Variants in JAZF1 observed in about 807,000 individuals in gnomAD.
JAZF1 encodes JAZF zinc finger 1.
JAZF1 carries 8 observed loss-of-function variants against 26.4 expected under a neutral mutation model. The observed-to-expected ratio is 0.30, with a 90% CI of 0.18 to 0.55. The LOEUF (loss-of-function observed/expected upper bound fraction) is 0.55. Among genes scored for constraint, JAZF1 ranks in the 20% least tolerant of loss-of-function variants. JAZF1 has a pLI of 0.94. For synonymous variants in JAZF1, 126 were observed against 122.3 expected (o/e 1.03, Z -0.20); for missense variants, 199 against 322.0 (o/e 0.62, Z 2.92).
intron 3 of JAZF1, among the ~76,000 whole-genome samples, chr7:27,853,467 G>A (rs28432782): frequency 0.15 from 22,899 of 152,092 alleles, 1,820 homozygotes; most frequent in Non-Finnish European, 0.17. Flanking sequence ...GTGGCCCTGC[G>A]ACGGGAGGGT....
At chr7:28,059,960 G>T (rs1309567720) in intron 1 of JAZF1, among the ~76,000 whole-genome samples, 1 of 152,082 alleles carries the variant, frequency 6.6e-6, no homozygotes, top group Non-Finnish European at 1.5e-5. Flanking sequence ...CGTGTTTAAT[G>T]TGTTGGTATC....
chr7:27,896,221 A>C (rs1223647665), intron 2 of JAZF1, among the ~76,000 whole-genome samples: 2 of 152,188 alleles, frequency 1.3e-5, no homozygotes, highest in Admixed American at 6.5e-5. Context: ...TGCTTCTCTG[A>C]TGTTGGTAAT....
chr7:27,867,425 T>C (rs1783492847), intron 3 of JAZF1, among the ~76,000 whole-genome samples: 1 of 152,216 alleles, frequency 6.6e-6, no homozygotes, highest in Non-Finnish European at 1.5e-5. Flanking sequence ...CATAAAAGCT[T>C]AGTTTCACAC....
chr7:28,134,063 G>T (rs1782841454), intron 1 of JAZF1, among the ~76,000 whole-genome samples: 1 of 152,042 alleles, frequency 6.6e-6, no homozygotes, highest in South Asian at 2.1e-4. Context: ...TGTAGGCAGG[G>T]GTGTCATCTC....
chr7:28,073,057 C>T (rs1040129407), intron 1 of JAZF1, among the ~76,000 whole-genome samples: 2 of 152,190 alleles, frequency 1.3e-5, no homozygotes, highest in East Asian at 1.9e-4. Flanking sequence ...ATAGCACTAT[C>T]GGTAGGTGTT....
chr7:28,010,358 GT>G (rs1036665830), intron 1 of JAZF1, among the ~76,000 whole-genome samples: 4 of 152,172 alleles, frequency 2.6e-5, no homozygotes, highest in Non-Finnish European at 5.9e-5. Context: ...CACTCTCCAG[GT>G]TCTGTTCACA....
At chr7:28,090,297 T>C (rs1224234362) in intron 1 of JAZF1, among the ~76,000 whole-genome samples, 2 of 152,234 alleles carry the variant, frequency 1.3e-5, no homozygotes, top group Non-Finnish European at 2.9e-5. Context: ...CATCATCACC[T>C]TCTTCATCAT....
chr7:27,964,440 T>C (rs560077562), intron 2 of JAZF1, among the ~76,000 whole-genome samples: 1 of 152,242 alleles, frequency 6.6e-6, no homozygotes, highest in Non-Finnish European at 1.5e-5. Flanking sequence ...ACATGGAGAA[T>C]GCTCATGATA....
At chr7:27,952,247 A>G (rs1238044473) in intron 2 of JAZF1, among the ~76,000 whole-genome samples, 2 of 152,228 alleles carry the variant, frequency 1.3e-5, no homozygotes, top group African/African-American at 2.4e-5. Flanking sequence ...CTAGCACAGA[A>G]GGGGTAATGA....
At chr7:27,848,170 ACATT>A (rs1783062762) in intron 3 of JAZF1, among the ~76,000 whole-genome samples, 2 of 152,100 alleles carry the variant, frequency 1.3e-5, no homozygotes, top group Admixed American at 6.6e-5. Flanking sequence ...CATTTTAAGA[ACATT>A]CATTCTTCTG....
intron 2 of JAZF1, among the ~76,000 whole-genome samples, chr7:27,909,153 T>C (rs1030382371): frequency 3.4e-5 from 5 of 146,368 alleles, no homozygotes; most frequent in African/African-American, 1.1e-4. Flanking sequence ...AGGACTATAG[T>C]TGCACACCAC....
chr7:27,870,075 A>ATTTTTTTTTTTT (rs371770357), intron 3 of JAZF1, among the ~76,000 whole-genome samples: 104 of 120,622 alleles, frequency 8.6e-4, no homozygotes, highest in Non-Finnish European at 1.2e-3. Flanking sequence ...CACCCGGTTA[A>ATTTTTTTTTTTT]TTTTTTTTTT....
chr7:28,121,670 C>T (rs568893480), intron 1 of JAZF1, among the ~76,000 whole-genome samples: 127 of 152,290 alleles, frequency 8.3e-4, no homozygotes, highest in Non-Finnish European at 1.4e-3. Context: ...GTTGCATACA[C>T]GTGACCAATG....
At chr7:28,013,106 A>G (rs914701500) in intron 1 of JAZF1, among the ~76,000 whole-genome samples, 6 of 152,080 alleles carry the variant, frequency 3.9e-5, no homozygotes, top group African/African-American at 9.7e-5. Context: ...CTATAGCCCC[A>G]GTGATTCCAG....
At chr7:27,991,531 T>G (rs979171272) in intron 2 of JAZF1, among the ~76,000 whole-genome samples, 2 of 152,224 alleles carry the variant, frequency 1.3e-5, no homozygotes, top group Non-Finnish European at 2.9e-5. Context: ...ATTTATTATA[T>G]TCTGATATTA....
At chr7:27,934,561 G>C (rs1784734819) in intron 2 of JAZF1, among the ~76,000 whole-genome samples, 1 of 152,028 alleles carries the variant, frequency 6.6e-6, no homozygotes, top group Non-Finnish European at 1.5e-5. Flanking sequence ...TTGACAGATG[G>C]TACACCTTGG....
chr7:28,011,120 A>G (rs183498528), intron 1 of JAZF1, among the ~76,000 whole-genome samples: 90 of 152,352 alleles, frequency 5.9e-4, no homozygotes, highest in African/African-American at 2.1e-3. Context: ...AAAATAATTA[A>G]TGGCCAATTT....
At chr7:27,877,609 A>T (rs533470395) in intron 3 of JAZF1, among the ~76,000 whole-genome samples, 1 of 152,284 alleles carries the variant, frequency 6.6e-6, no homozygotes, top group Admixed American at 6.5e-5. Flanking sequence ...TGGTCAGCTG[A>T]CAAGTGGCCT....
intron 3 of JAZF1, among the ~76,000 whole-genome samples, chr7:27,882,304 CTTG>C (rs1160983157): frequency 1.3e-5 from 2 of 150,404 alleles, no homozygotes; most frequent in Admixed American, 6.6e-5. Context: ...GCCTAATTGG[CTTG>C]TTTTTTTTTT....
Sources: gnomAD v4.1 joint callset for allele counts (sites outside exome capture counted in the v4.1 genomes callset) on GRCh38, gnomAD v4.1.1 for gene constraint, MANE v1.5 for transcripts, NCBI Gene and HGNC (gene_info 2026-07-23, HGNC 2026-07-21) for gene names.